VMP1: variants seen among roughly 807,000 people sequenced by gnomAD.
The protein encoded by VMP1 is vacuole membrane protein 1.
VMP1 carries 11 observed loss-of-function variants against 56.0 expected under a neutral mutation model. The ratio of observed to expected loss-of-function variants is 0.20; its 90% CI spans 0.12 to 0.32. The LOEUF is 0.32. Ranked by LOEUF, VMP1 falls within the 10% of genes least tolerant of loss-of-function variation. VMP1 has a pLI of 1.00. For synonymous variants in VMP1, 149 were observed against 165.0 expected (o/e 0.90, Z 0.74); for missense variants, 296 against 490.3 (o/e 0.60, Z 3.74).
intron 5 of VMP1, among the ~76,000 whole-genome samples, chr17:59,751,744 CA>C (rs932086949): frequency 0.03 from 1,267 of 42,586 alleles, 14 homozygotes; most frequent in Admixed American, 0.073. Flanking sequence ...AACTCCGTCT[CA>C]AAAAAAAAAA....
chr17:59,829,406 G>GT (rs1408572052), intron 10 of VMP1, among the ~76,000 whole-genome samples: 20 of 152,156 alleles, frequency 1.3e-4, no homozygotes, highest in African/African-American at 4.1e-4. Flanking sequence ...AGGAAAGGCA[G>GT]TTTCATGTGG....
chr17:59,751,744 CAAAAAAAAAAAA>C (rs932086949), intron 5 of VMP1, among the ~76,000 whole-genome samples: 13 of 42,594 alleles, frequency 3.1e-4, no homozygotes, highest in African/African-American at 1.2e-3. Flanking sequence ...AACTCCGTCT[CAAAAAAAAAAAA>C]AAAAAAAAAA....
intron 9 of VMP1, among the ~76,000 whole-genome samples, chr17:59,814,728 A>G (rs2038167622): frequency 6.6e-6 from 1 of 152,154 alleles, no homozygotes; most frequent in Admixed American, 6.6e-5. Flanking sequence ...CTTTCCCTGT[A>G]TCTATGTGGA....
intron 7 of VMP1, among the ~76,000 whole-genome samples, chr17:59,803,048 T>G (rs2037730388): frequency 6.6e-6 from 1 of 152,162 alleles, no homozygotes; most frequent in South Asian, 2.1e-4. Context: ...TATGGCCTTC[T>G]GTTGCTTTTA....
rs1179269248 is a variant in VMP1 at position 59,772,950 on chromosome 17, C to CTTTTTTT, written c.583-780_583-774dup. ...TATCTAACACATATACTGGTGAATT[C>CTTTTTTT]TTTTTTTTTTTTTTTTTTTTTTTTT... On this transcript the variant is annotated intron_variant, in intron 6 of 11. Coordinates refer to ENST00000262291, the MANE Select transcript of VMP1 (RefSeq NM_030938.5). Among the ~76,000 whole-genome samples, 154 of 55,722 alleles carry CTTTTTTT rather than the reference C, an allele frequency of 2.8e-3. 36 individuals carry two copies. Among genetic ancestry groups the CTTTTTTT allele is most frequent in the African/African-American group, 8.8e-3 (113 of 12,782 alleles). 36.6% of individuals were successfully genotyped at this position (55,722 alleles called of 152,430 possible). A position where few individuals can be genotyped will look rare whatever the true frequency, so the allele number is the denominator to read the frequency against.
intron 1 of VMP1, among the ~76,000 whole-genome samples, chr17:59,725,342 G>T (rs1202541906): frequency 6.6e-6 from 1 of 152,146 alleles, no homozygotes; most frequent in Non-Finnish European, 1.5e-5. Context: ...TTTACAGTAC[G>T]TATGATTGGG....
intron 5 of VMP1, among the ~76,000 whole-genome samples, chr17:59,748,888 TTATTTA>T (rs1432803288): frequency 2.2e-5 from 3 of 137,916 alleles, no homozygotes; most frequent in South Asian, 2.2e-4. Context: ...ATTATTATTA[TTATTTA>T]TTTTTTTTTT....
At chr17:59,795,481 C>T (rs1447800614) in intron 7 of VMP1, among the ~76,000 whole-genome samples, 1 of 150,058 alleles carries the variant, frequency 6.7e-6, no homozygotes, top group African/African-American at 2.5e-5. Flanking sequence ...AGCCCCCTTA[C>T]ATCTTTGATA....
chr17:59,761,588 G>C (rs1251864969), intron 5 of VMP1, among the ~76,000 whole-genome samples: 1 of 152,152 alleles, frequency 6.6e-6, no homozygotes, highest in Non-Finnish European at 1.5e-5. Context: ...TACCTACCCA[G>C]GCATGACCTT....
At chr17:59,776,952 AT>A (rs1272734158) in intron 7 of VMP1, among the ~76,000 whole-genome samples, 1 of 152,196 alleles carries the variant, frequency 6.6e-6, no homozygotes, top group East Asian at 1.9e-4. Context: ...TAGAATTAAC[AT>A]TTTCAAATTT....
At chr17:59,782,959 C>T (rs2036877229) in intron 7 of VMP1, among the ~76,000 whole-genome samples, 1 of 152,036 alleles carries the variant, frequency 6.6e-6, no homozygotes, top group South Asian at 2.1e-4. Context: ...TCCCAACACG[C>T]CCAAGGCAGG....
At chr17:59,821,128 G>A (rs1027800695) in intron 10 of VMP1, among the ~76,000 whole-genome samples, 2 of 151,770 alleles carry the variant, frequency 1.3e-5, no homozygotes, top group Non-Finnish European at 2.9e-5. Flanking sequence ...CCGCCTCCAT[G>A]CCTGGCTAAT....
chr17:59,736,253 A>T (rs891801749), intron 3 of VMP1, among the ~76,000 whole-genome samples: 1 of 151,828 alleles, frequency 6.6e-6, no homozygotes, highest in Non-Finnish European at 1.5e-5. Context: ...AAATATAAAA[A>T]TTAGCCGGGC....
intron 4 of VMP1, among the ~76,000 whole-genome samples, 187 bp from the exon 5 acceptor site, chr17:59,738,650 A>G (rs776935525): frequency 1.5e-4 from 23 of 152,236 alleles, no homozygotes; most frequent in Non-Finnish European, 2.9e-4. Context: ...TATTCCAGTT[A>G]GATTAATTTT....
chr17:59,789,131 A>C (rs2037122180), intron 7 of VMP1, among the ~76,000 whole-genome samples: 1 of 151,764 alleles, frequency 6.6e-6, no homozygotes, highest in South Asian at 2.1e-4. Flanking sequence ...TCTACTAAAA[A>C]TACAAAAAAT....
chr17:59,713,518 G>A (rs1429512786), intron 1 of VMP1, among the ~76,000 whole-genome samples: 26 of 151,854 alleles, frequency 1.7e-4, no homozygotes, highest in Non-Finnish European at 8.8e-5. Context: ...GAGTCACCTG[G>A]GGAGATAGGG....
In VMP1 at chr17:59,751,606, G is replaced by GT. The variant is rs904691221; in HGVS notation, c.414+12660dup. On this transcript the variant is annotated intron_variant, in intron 5 of 11. Coordinates refer to ENST00000262291, the MANE Select transcript of VMP1 (RefSeq NM_030938.5). ...AAAATACAAAAATTAGCTGGGCGTG[G>GT]TGGGGGGGGCGCCTGTAATCCCAGC... 2.6e-4 allele frequency among the ~76,000 whole-genome samples: 33 copies of GT among 128,450 alleles called. No homozygotes were observed. The South Asian group carries it at 7.6e-3, about 29-fold the overall frequency. The allele number at this position is 128,450 out of a possible 152,430, so 84.3% of individuals were successfully genotyped here. A position where few individuals can be genotyped will look rare whatever the true frequency, so the allele number is the denominator to read the frequency against.
At chr17:59,758,818 G>A (rs2143951621) in intron 5 of VMP1, among the ~76,000 whole-genome samples, 1 of 152,126 alleles carries the variant, frequency 6.6e-6, no homozygotes, top group Admixed American at 6.5e-5. Flanking sequence ...AGCTGGGCTG[G>A]GCACTCTGGC....
At chr17:59,734,246 AG>A (rs142539015) in intron 2 of VMP1, among the ~76,000 whole-genome samples, 5,614 of 152,310 alleles carry the variant, frequency 0.037, 370 homozygotes, top group African/African-American at 0.13. Context: ...ATAATATAGT[AG>A]CCCCCTTATC....
Sources: allele counts gnomAD v4.1 joint callset (sites outside exome capture counted in the v4.1 genomes callset), GRCh38; gene constraint gnomAD v4.1.1; transcripts MANE v1.5; gene names NCBI Gene and HGNC (gene_info 2026-07-23, HGNC 2026-07-21).